NEURL4: variants seen among roughly 807,000 people sequenced by gnomAD.
NEURL4 encodes the protein neuralized E3 ubiquitin protein ligase 4.
Under a neutral mutation model 148.0 loss-of-function variants are expected in NEURL4, and 45 were observed. The ratio of observed to expected loss-of-function variants is 0.30; its 90% CI spans 0.24 to 0.39. The LOEUF is 0.39. Ranked by LOEUF, NEURL4 falls within the 10% of genes least tolerant of loss-of-function variation. NEURL4 has a pLI of 1.00. For missense variants in NEURL4, 1,776 were observed against 2,144.0 expected (o/e 0.83, Z 3.39); for synonymous variants, 854 against 869.0 (o/e 0.98, Z 0.30).
rs755207763 is a variant in NEURL4, at chr17:7,329,066, C to T, written c.247G>A (p.Asp83Asn). 5 of 1,596,870 alleles carry T rather than the reference C, an allele frequency of 3.1e-6. No individual in the cohort carries two copies. Among genetic ancestry groups the T allele is most frequent in the Non-Finnish European group, 4.3e-6 (5 of 1,171,502 alleles). Residue 83 changes from aspartate (D) to asparagine (N), a missense_variant, in exon 1 of 29, where the codon GAT becomes AAT. Physicochemically the swap from Asp to Asn is conservative, Grantham distance 23. Transcript: ENST00000399464. ...GLVLSREPLR[D>N]GRVFTVRIDR... ...ATGCGGACGGTGAAGACGCGTCCAT[C>T]GCGCAAGGGTTCTCGGCTCAACACC... is the stretch of plus-strand genomic sequence containing the variant.
At position 7,320,785 on chromosome 17, in the gene NEURL4, G is replaced by A. The variant is rs751886926; in HGVS notation, c.3499C>T (p.Pro1167Ser). 1.2e-6 allele frequency: 2 copies of A among 1,613,852 alleles called. No homozygotes were observed. The highest frequency in any genetic ancestry group is 8.5e-7 in the Non-Finnish European group (1 of 1,179,938). ...YNQGIVVINQ[P>S]LVPQLLVQVR... is the part of the protein sequence containing the mutation. The stretch of plus-strand genomic sequence containing the variant: ...TGCACCAGCAGCTGGGGCACCAGAG[G>A]TTGGTTGATGACAACGATGCCCTGA... The change falls in exon 21 of 29, where the codon CCT becomes TCT. Residue 1167 changes from proline (P) to serine (S), a missense_variant. Pro to Ser is a moderately conservative substitution (Grantham distance 74). Transcript: ENST00000399464.
chr17:7,324,891 A>G lies in NEURL4; in HGVS notation c.1721T>C (p.Val574Ala). 3 of 1,614,062 alleles carry G rather than the reference A, an allele frequency of 1.9e-6. No individual in the cohort carries two copies. The highest frequency in any genetic ancestry group is 2.5e-6 in the Non-Finnish European group (3 of 1,180,008). The change falls in exon 9 of 29, where the codon GTG (valine) becomes GCG (alanine). Residue 574 changes from valine (V) to alanine (A), a missense_variant. By Grantham distance (64) the Val-to-Ala change is moderately conservative. Transcript: ENST00000399464. This position sits in a 1 kb window ranked among gnomAD's most constrained non-coding sequence, Gnocchi z 5.9. ...EVFQVRIDKM[V>A]DKWAGSIEIG... is the part of the protein sequence containing the mutation. ...TTCAATGGAGCCAGCCCATTTGTCC[A>G]CCATCTTGTCGATGCGCACCTGGAA...
At chr17:7,325,001 G>C (rs767222889) in intron 8 of NEURL4, 21 bp from the exon 9 acceptor site, 22 of 1,613,032 alleles carry the variant, frequency 1.4e-5, no homozygotes, top group East Asian at 2.2e-5. Flanking sequence ...AGCAAGTGGA[G>C]AGTCAGATCC....
chr17:7,323,751 C>T, intron 12 of NEURL4, 28 bp from the exon 13 acceptor site: 1 of 1,613,956 alleles, frequency 6.2e-7, no homozygotes, highest in Non-Finnish European at 8.5e-7. Flanking sequence ...ATCAGAGAGG[C>T]TCTACTTGCA....
In NEURL4 at chr17:7,317,284, G is replaced by T. The variant is rs1333811956; in HGVS notation, c.4405C>A (p.Arg1469=). Residue 1469 remains arginine (R), a synonymous_variant, in exon 28 of 29, where the codon CGG becomes AGG. Coordinates refer to ENST00000399464, the MANE Select transcript of NEURL4 (RefSeq NM_032442.3). ...EEPGENCAPP[R]EEQPPPVLLS... Reference sequence around the variant, plus strand: ...AGCACAGGAGGGGGCTGCTCCTCCCGAGGAGGTGCACAGTTCTCGCCAGGC... The same window carrying T: ...AGCACAGGAGGGGGCTGCTCCTCCCTAGGAGGTGCACAGTTCTCGCCAGGC... 6.6e-7 allele frequency: 1 copy of T among 1,525,610 alleles called. No homozygotes were observed. Among genetic ancestry groups the T allele is most frequent in the Non-Finnish European group, 8.8e-7 (1 of 1,138,064 alleles). The allele number at this position is 1,525,610 out of a possible 1,614,324, so 94.5% of individuals were successfully genotyped here. A position where few individuals can be genotyped will look rare whatever the true frequency, so the allele number is the denominator to read the frequency against.
In NEURL4 at chr17:7,318,359, G is replaced by A; in HGVS notation, c.3865-3C>T. ...GGCTCAGGGTTCACGATTGTCACCT[G>A]CAGGGGAGAGGGTAGTCAGACAGAG... is the stretch of plus-strand genomic sequence containing the variant. On this transcript the variant is annotated splice_region_variant and splice_polypyrimidine_tract_variant and intron_variant, in intron 23 of 28. Transcript: ENST00000399464. The surrounding 1 kb of genome is among the most constrained non-coding windows in gnomAD (Gnocchi z 4.3). 6.2e-7 allele frequency: 1 copy of A among 1,613,916 alleles called. No individual in the cohort carries two copies. Among genetic ancestry groups the A allele is most frequent in the Non-Finnish European group, 8.5e-7 (1 of 1,179,862 alleles).
rs979629081 is a variant in NEURL4, at chr17:7,318,972, G to C, written c.3684+78C>G. On this transcript the variant is annotated intron_variant, in intron 22 of 28. Transcript: ENST00000399464. This position sits in a 1 kb window ranked among gnomAD's most constrained non-coding sequence, Gnocchi z 4.3. ...CCTGTGGTCCTACCTCCAAGGCTAG[G>C]GGCCCACTTCTCCCTTCTGGCCAGC... The C allele has an allele frequency of 6.8e-7, 1 of 1,476,606 alleles. No individual in the cohort carries two copies. Among genetic ancestry groups the C allele is most frequent in the Non-Finnish European group, 9.1e-7 (1 of 1,095,600 alleles). 91.5% of individuals were successfully genotyped at this position (1,476,606 alleles called of 1,614,324 possible). A position where few individuals can be genotyped will look rare whatever the true frequency, so the allele number is the denominator to read the frequency against.
chr17:7,325,144 T>C (rs2073085832), intron 8 of NEURL4, 65 bp downstream of exon 8: 4 of 956,488 alleles, frequency 4.2e-6, no homozygotes, highest in Non-Finnish European at 6.2e-6. Context: ...TCCACTTCCT[T>C]GCCCCGCCCC....
chr17:7,316,952 T>A (rs906888578), intron 28 of NEURL4, among the ~76,000 whole-genome samples: 21 of 152,020 alleles, frequency 1.4e-4, no homozygotes, highest in African/African-American at 5.1e-4. Flanking sequence ...AAATAAATAA[T>A]ACTTATTACG....
chr17:7,317,144 G>T, intron 28 of NEURL4, 61 bp downstream of exon 28: 2 of 1,272,568 alleles, frequency 1.6e-6, no homozygotes, highest in Non-Finnish European at 2.1e-6. Context: ...CCCAGTGGCT[G>T]CGCTTGGGCC....
chr17:7,329,010 T>C, intron 1 of NEURL4, 21 bp downstream of exon 1: 1 of 1,536,978 alleles, frequency 6.5e-7, no homozygotes, highest in Non-Finnish European at 8.8e-7. Flanking sequence ...ACATCTCTGT[T>C]CCGCGGTACC....
In NEURL4 at chr17:7,326,211, T is replaced by C. The variant is rs367765189; in HGVS notation, c.1293+44A>G. 11 of 1,580,878 alleles carry C rather than the reference T, an allele frequency of 7.0e-6. No homozygotes were observed. The highest frequency in any genetic ancestry group is 1.7e-4 in the Middle Eastern group (1 of 5,998). ...CCCTGGCAGGGACACAGAGTACCTG[T>C]GGCTCTGCTGAAAGCGGCCCAGGGA... On this transcript the variant is annotated intron_variant, in intron 6 of 28. Coordinates refer to ENST00000399464, the MANE Select transcript of NEURL4 (RefSeq NM_032442.3). The surrounding 1 kb of genome is among the most constrained non-coding windows in gnomAD (Gnocchi z 6.0).
chr17:7,320,847 T>C lies in NEURL4; in HGVS notation c.3437A>G (p.Asn1146Ser), dbSNP rs185214115. The change falls in exon 21 of 29, where the codon AAT becomes AGT. Residue 1146 changes from asparagine (N) to serine (S), a missense_variant. Coordinates refer to ENST00000399464, the MANE Select transcript of NEURL4 (RefSeq NM_032442.3). Reference protein sequence around the residue: ...ENHGKNILLSNGNRTATRVAS... With the variant: ...ENHGKNILLSSGNRTATRVAS... ...CACCCGTGTGGCCGTACGGTTCCCA[T>C]TAGACAAAAGGATATTCTTCCCATG... The C allele has an allele frequency of 4.3e-6, 7 of 1,614,036 alleles. No homozygotes were observed. The highest frequency in any genetic ancestry group is 1.6e-4 in the Middle Eastern group (1 of 6,062).
chr17:7,324,963 T>C lies in NEURL4; in HGVS notation c.1649A>G (p.Asn550Ser), dbSNP rs1341605618. 4 of 1,614,034 alleles carry C rather than the reference T, an allele frequency of 2.5e-6. No homozygotes were observed. The highest frequency in any genetic ancestry group is 1.7e-6 in the Non-Finnish European group (2 of 1,179,994). ...TCTGCTGCTCAGCACCACGCCGTGA[T>C]TGAAGTCATCGGTGGCACTGAGGGC... ...ALRPHATDDF[N>S]HGVVLSSRAL... The change falls in exon 9 of 29, where the codon AAT becomes AGT. Residue 550 changes from asparagine to serine, a missense_variant. Physicochemically the swap from Asn to Ser is conservative, Grantham distance 46 (BLOSUM62 1). Transcript: ENST00000399464. This position sits in a 1 kb window ranked among gnomAD's most constrained non-coding sequence, Gnocchi z 5.9.
Position 7,318,295 on chromosome 17 carries a change from T to A in NEURL4, c.3926A>T (p.Asp1309Val), listed in dbSNP as rs2072979084. ...ASGKSAGTQGDMEKADMVDGI... is the reference protein window; with the variant it reads ...ASGKSAGTQGVMEKADMVDGI... ...GTCCACCATGTCTGCTTTCTCCATGTCCCCTTGGGTTCCAGCACTTTTCCC... is the reference window on the plus strand; with the variant it reads ...GTCCACCATGTCTGCTTTCTCCATGACCCCTTGGGTTCCAGCACTTTTCCC... The change falls in exon 24 of 29, where the codon GAC (aspartate) becomes GTC (valine). Residue 1309 changes from aspartate to valine, a missense_variant. Asp to Val is a radical substitution (Grantham distance 152). Transcript: ENST00000399464. The surrounding 1 kb of genome is among the most constrained non-coding windows in gnomAD (Gnocchi z 4.3). The A allele has an allele frequency of 6.2e-7, 1 of 1,614,006 alleles. No individual in the cohort carries two copies. The highest frequency in any genetic ancestry group is 8.5e-7 in the Non-Finnish European group (1 of 1,180,028).
At chr17:7,320,613 T>G (rs1230335409) in intron 21 of NEURL4, 146 bp downstream of exon 21, 3 of 687,288 alleles carry the variant, frequency 4.4e-6, no homozygotes, top group African/African-American at 3.6e-5. Context: ...CTGATGACCC[T>G]CATTACAGGC....
In NEURL4 at chr17:7,329,325, C is replaced by A; in HGVS notation, c.-13G>T. On this transcript the variant is annotated 5_prime_UTR_variant, in exon 1 of 29. Transcript: ENST00000399464. ...ACCCTGCCGCCATCTCCGCTGACAC[C>A]GGGGCAGCGCGACAGCCGCGCTTGG... is the stretch of plus-strand genomic sequence containing the variant. 1.5e-6 allele frequency: 2 copies of A among 1,378,138 alleles called. No individual in the cohort carries two copies. Among genetic ancestry groups the A allele is most frequent in the Non-Finnish European group, 1.9e-6 (2 of 1,073,258 alleles). 85.4% of individuals were successfully genotyped at this position (1,378,138 alleles called of 1,614,324 possible). A position where few individuals can be genotyped will look rare whatever the true frequency, so the allele number is the denominator to read the frequency against.
rs1238727413 is a variant in NEURL4 at position 7,326,879 on chromosome 17, G to C, written c.924C>G (p.Thr308=). ...GEGLGSSGAA[T]SPILTSNDAL... ...CATCGTTGGAAGTGAGAATGGGCGA[G>C]GTGGCAGCACCGCTAGATCCCAGGC... The change falls in exon 4 of 29, where the codon ACC becomes ACG. Residue 308 remains threonine (T), a synonymous_variant. Transcript: ENST00000399464. The surrounding 1 kb of genome is among the most constrained non-coding windows in gnomAD (Gnocchi z 6.0). The C allele has an allele frequency of 6.2e-7, 1 of 1,614,038 alleles. No homozygotes were observed. Among genetic ancestry groups the C allele is most frequent in the Non-Finnish European group, 8.5e-7 (1 of 1,179,990 alleles).
chr17:7,316,859 T>C (rs2072953558), intron 28 of NEURL4, among the ~76,000 whole-genome samples: 1 of 151,804 alleles, frequency 6.6e-6, no homozygotes, highest in Admixed American at 6.6e-5. Flanking sequence ...GAGGTGGAGG[T>C]TGCAGTGAGA....
Sources: allele counts gnomAD v4.1 joint callset (sites outside exome capture counted in the v4.1 genomes callset), GRCh38; gene constraint gnomAD v4.1.1; non-coding constraint Gnocchi (gnomAD v3.1); transcripts MANE v1.5; gene names NCBI Gene and HGNC (gene_info 2026-07-23, HGNC 2026-07-21).